The following RTP5 variants were observed in gnomAD, a reference collection of about 807,000 sequenced individuals.
RTP5 encodes receptor-transporting protein 5.
Under a neutral mutation model 23.5 loss-of-function variants are expected in RTP5, and 30 were observed. That is an observed-to-expected ratio of 1.27 (90% CI 0.95 to 1.73). RTP5 has a LOEUF of 1.73. Among genes scored for constraint, RTP5 ranks in the 40% most tolerant of loss-of-function variants. The probability of loss-of-function intolerance (pLI) is 0.00; values close to 1 mark genes in which losing one functional copy is unlikely to be tolerated. For missense variants in RTP5, 807 were observed against 784.2 expected, an observed-to-expected ratio of 1.03 and a Z score of -0.35; for synonymous variants, 354 against 342.1, an observed-to-expected ratio of 1.03 and a Z score of -0.38.
rs202054840 is a variant in RTP5, at chr2:241,872,520, C to A, written c.965C>A (p.Thr322Lys). 2.0e-5 allele frequency: 32 copies of A among 1,584,574 alleles called. No individual in the cohort carries two copies. Among genetic ancestry groups the A allele is most frequent in the Non-Finnish European group, 2.7e-5 (32 of 1,164,610 alleles). ...NNGLVPVGKH[T>K]PTVFYCVGLS... ...GGCCTCGTCCCTGTGGGGAAACACA[C>A]GCCAACCGTGTTCTACTGTGTGGGC... is the stretch of plus-strand genomic sequence containing the variant. The change falls in exon 2 of 2, where the codon ACG becomes AAG. Residue 322 changes from threonine to lysine, a missense_variant. Coordinates refer to ENST00000343216, the MANE Select transcript of RTP5 (RefSeq NM_173821.3).
rs761978952 is a variant in RTP5 at position 241,872,050 on chromosome 2, C to A, written c.495C>A (p.Asn165Lys). 3 of 1,565,324 alleles carry A rather than the reference C, an allele frequency of 1.9e-6. No homozygotes were observed. The highest frequency in any genetic ancestry group is 2.7e-5 in the African/African-American group (2 of 73,780). The change falls in exon 2 of 2, where the codon AAC becomes AAA. Residue 165 changes from asparagine (N) to lysine (K), a missense_variant. Transcript: ENST00000343216. The stretch of plus-strand genomic sequence containing the variant: ...CCCCAGACCCCGCCTGGAGCGCCAA[C>A]GCCACAAAAGGCAACTTCCCCGCCA... Reference protein sequence around the residue: ...QKAPDPAWSANATKGNFPATA... With the variant: ...QKAPDPAWSAKATKGNFPATA...
At chr2:241,871,258 C>T (rs1701310993) in intron 1 of RTP5, 5 of 355,548 alleles carry the variant, frequency 1.4e-5, no homozygotes, top group Admixed American at 3.7e-5. Context: ...GCATGCTTTT[C>T]CCCTCCTAAG....
chr2:241,872,066 T>C lies in RTP5; in HGVS notation c.511T>C (p.Phe171Leu). 1.9e-6 allele frequency: 3 copies of C among 1,570,486 alleles called. No homozygotes were observed. In the South Asian group the frequency reaches 3.4e-5, roughly 18 times the overall value. Residue 171 changes from phenylalanine to leucine, a missense_variant, in exon 2 of 2, where the codon TTC becomes CTC. Coordinates refer to ENST00000343216, the MANE Select transcript of RTP5 (RefSeq NM_173821.3). ...GAGCGCCAACGCCACAAAAGGCAAC[T>C]TCCCCGCCACGGCCTGGGGTGGCAC... ...AWSANATKGN[F>L]PATAWGGTGT...
At chr2:241,870,509 G>A (rs1194463152) in intron 1 of RTP5, among the ~76,000 whole-genome samples, 3 of 152,256 alleles carry the variant, frequency 2.0e-5, no homozygotes, top group Non-Finnish European at 4.4e-5. Context: ...GCAGATGCCC[G>A]GCCTGACAGG....
chr2:241,873,446 C>T lies in RTP5; in HGVS notation c.*172C>T. On this transcript the variant is annotated 3_prime_UTR_variant, in exon 2 of 2. Coordinates refer to ENST00000343216, the MANE Select transcript of RTP5 (RefSeq NM_173821.3). ...GCCCCGCCCCCCGCCTCCGAGACCC[C>T]GCCCTGCCTCTGAGACCCCGCCTCA... is the stretch of plus-strand genomic sequence containing the variant. The T allele has an allele frequency of 3.7e-6, 2 of 537,382 alleles. No homozygotes were observed. Among genetic ancestry groups the T allele is most frequent in the African/African-American group, 2.9e-5 (1 of 35,058 alleles). The allele number at this position is 537,382 out of a possible 1,614,324, so 33.3% of individuals were successfully genotyped here.
In RTP5 at chr2:241,872,350, TG is replaced by T. The variant is rs1701339186; in HGVS notation, c.797del (p.Gly266GlufsTer217). The stretch of plus-strand genomic sequence containing the variant: ...GGGGCAAAGGCTTCCCGGTGGCCAT[TG>T]GAGACCCCCTCTTCCACGGCCCCGG... The part of the protein sequence containing the change: ...PGGKGFPVAI[G>X]DPLFHGPGLL... On this transcript the variant is annotated frameshift_variant, in exon 2 of 2. Transcript: ENST00000343216. LOFTEE classifies it high-confidence loss of function. 6.2e-7 allele frequency: 1 copy of T among 1,610,162 alleles called. No individual in the cohort carries two copies. Among genetic ancestry groups the T allele is most frequent in the African/African-American group, 1.3e-5 (1 of 74,734 alleles).
At chr2:241,870,195 C>G (rs1701289780) in intron 1 of RTP5, among the ~76,000 whole-genome samples, 1 of 152,372 alleles carries the variant, frequency 6.6e-6, no homozygotes, top group East Asian at 1.9e-4. Flanking sequence ...CCCTTGGACA[C>G]AGGCTCATCT....
chr2:241,872,539 T>G lies in RTP5; in HGVS notation c.984T>G (p.Cys328Trp), dbSNP rs1365427225. ...VGKHTPTVFY[C>W]VGLSASGEGS... ...AACACACGCCAACCGTGTTCTACTG[T>G]GTGGGCCTCTCGGCCAGCGGGGAGG... The change falls in exon 2 of 2, where the codon TGT becomes TGG. Residue 328 changes from cysteine (C) to tryptophan (W), a missense_variant. Physicochemically the swap from Cys to Trp is radical, Grantham distance 215. Transcript: ENST00000343216. The G allele has an allele frequency of 1.0e-5, 16 of 1,565,104 alleles. No homozygotes were observed. The highest frequency in any genetic ancestry group is 1.4e-5 in the Non-Finnish European group (16 of 1,155,464).
chr2:241,870,875 G>C (rs923983627), intron 1 of RTP5: 1 of 463,242 alleles, frequency 2.2e-6, no homozygotes, highest in Non-Finnish European at 4.5e-6. Flanking sequence ...ACGTGTCCAC[G>C]GGCTCTGTGG....
At chr2:241,871,374 C>T (rs542330321) in intron 1 of RTP5, among the ~76,000 whole-genome samples, 10 of 152,382 alleles carry the variant, frequency 6.6e-5, no homozygotes, top group East Asian at 1.9e-4. Context: ...CAGGCTGGAG[C>T]GGGTTTTGTT....
chr2:241,872,990 T>C lies in RTP5; in HGVS notation c.1435T>C (p.Phe479Leu), dbSNP rs1362327231. The change falls in exon 2 of 2, where the codon TTC becomes CTC. Residue 479 changes from phenylalanine (F) to leucine (L), a missense_variant. Transcript: ENST00000343216. ...CTGCATCACCATCCCCTTCGCAGTC[T>C]TCGATGTCATAAAGCGCAAGGGCGG... is the stretch of plus-strand genomic sequence containing the variant. ...EGCITIPFAV[F>L]DVIKRKGGGH... is the part of the protein sequence containing the mutation. 1.2e-6 allele frequency: 2 copies of C among 1,613,144 alleles called. No individual in the cohort carries two copies. Among genetic ancestry groups the C allele is most frequent in the Non-Finnish European group, 1.7e-6 (2 of 1,180,002 alleles).
chr2:241,871,668 G>A (rs538278493), intron 1 of RTP5, 46 bp from the exon 2 acceptor site: 3 of 1,534,834 alleles, frequency 2.0e-6, no homozygotes, highest in Admixed American at 2.0e-5. Context: ...GCTGGGCGTG[G>A]GGCCTCTTTC....
intron 1 of RTP5, 134 bp downstream of exon 1, chr2:241,870,048 G>A (rs1701286890): frequency 3.3e-6 from 3 of 903,034 alleles, no homozygotes; most frequent in Non-Finnish European, 4.6e-6. Context: ...GGTGGGGCTG[G>A]GTGCTCCTTC....
At chr2:241,870,986 T>G in intron 1 of RTP5, 1 of 471,138 alleles carries the variant, frequency 2.1e-6, no homozygotes, top group Non-Finnish European at 4.4e-6. Flanking sequence ...CTCTCACTCA[T>G]GCAGGGTTCC....
At chr2:241,870,173 G>C (rs1474457455) in intron 1 of RTP5, among the ~76,000 whole-genome samples, 2 of 152,196 alleles carry the variant, frequency 1.3e-5, no homozygotes, top group Non-Finnish European at 2.9e-5. Context: ...TCGGCTCCTT[G>C]GGCCAGCGCT....
At position 241,872,952 on chromosome 2, in the gene RTP5, C is replaced by T. The variant is rs770998788; in HGVS notation, c.1397C>T (p.Thr466Met). The change falls in exon 2 of 2, where the codon ACG becomes ATG. Residue 466 changes from threonine to methionine, a missense_variant. By Grantham distance (81) the Thr-to-Met change is moderately conservative (BLOSUM62 -1). Coordinates refer to ENST00000343216, the MANE Select transcript of RTP5 (RefSeq NM_173821.3). ...GAGGCCAATGCCGAGGGCCCCATCA[C>T]GGTTAGTGAGGGCTGCATCACCATC... is the stretch of plus-strand genomic sequence containing the variant. ...PLEANAEGPI[T>M]VSEGCITIPF... 18 of 1,612,936 alleles carry T rather than the reference C, an allele frequency of 1.1e-5. No homozygotes were observed. Among genetic ancestry groups the T allele is most frequent in the African/African-American group, 2.7e-5 (2 of 74,942 alleles).
chr2:241,871,281 C>T, intron 1 of RTP5: 1 of 348,544 alleles, frequency 2.9e-6, no homozygotes, highest in East Asian at 7.8e-5. Flanking sequence ...TGTCGGCAGG[C>T]CTGCCTCTTC....
At chr2:241,871,510 C>T (rs1701315730) in intron 1 of RTP5, among the ~76,000 whole-genome samples, 1 of 152,222 alleles carries the variant, frequency 6.6e-6, no homozygotes, top group South Asian at 2.1e-4. Flanking sequence ...AGAGCCTCGG[C>T]ACAGGCAGGA....
Position 241,872,036 on chromosome 2 carries a change from G to T in RTP5, c.481G>T (p.Ala161Ser). ...CTTCCTCCAGAAGGCCCCAGACCCC[G>T]CCTGGAGCGCCAACGCCACAAAAGG... is the stretch of plus-strand genomic sequence containing the variant. ...VCFLQKAPDP[A>S]WSANATKGNF... The change falls in exon 2 of 2, where the codon GCC (alanine) becomes TCC (serine). Residue 161 changes from alanine (A) to serine (S), a missense_variant. By Grantham distance (99) the Ala-to-Ser change is moderately conservative. Coordinates refer to ENST00000343216, the MANE Select transcript of RTP5 (RefSeq NM_173821.3). 4 of 1,563,484 alleles carry T rather than the reference G, an allele frequency of 2.6e-6. No homozygotes were observed. The highest frequency in any genetic ancestry group is 3.5e-6 in the Non-Finnish European group (4 of 1,149,568).
Sources: allele counts gnomAD v4.1 joint callset (sites outside exome capture counted in the v4.1 genomes callset), GRCh38; gene constraint gnomAD v4.1.1; transcripts MANE v1.5; gene names NCBI Gene and HGNC (gene_info 2026-07-23, HGNC 2026-07-21).